HTR2C: variants seen among roughly 807,000 people sequenced by gnomAD.
The protein encoded by HTR2C is 5-hydroxytryptamine receptor 2C.
HTR2C carries 5 observed loss-of-function variants against 21.0 expected under a neutral mutation model. The ratio of observed to expected loss-of-function variants is 0.24; its 90% CI spans 0.12 to 0.50. The LOEUF (loss-of-function observed/expected upper bound fraction) is 0.50. Among genes scored for constraint, HTR2C ranks in the 20% least tolerant of loss-of-function variants. HTR2C has a pLI of 0.98. For synonymous variants in HTR2C, 150 were observed against 145.3 expected, an observed-to-expected ratio of 1.03 and a Z score of -0.23; for missense variants, 271 against 371.2, an observed-to-expected ratio of 0.73 and a Z score of 2.22.
chrX:114,734,573 A>AAAAAAAAAAAAAAAAAAAAAAAC (rs2069571164), intron 4 of HTR2C, among the ~76,000 whole-genome samples: 1 of 95,717 alleles, frequency 1.0e-5, no homozygotes. Context: ...GTAAAAAAAA[A>AAAAAAAAAAAAAAAAAAAAAAAC]AAAAAAAAAA....
intron 4 of HTR2C, among the ~76,000 whole-genome samples, chrX:114,780,024 T>C (rs1403167545): frequency 4.5e-5 from 5 of 110,967 alleles, no homozygotes; most frequent in African/African-American, 1.6e-4. Context: ...AACAAAACAA[T>C]GATAAAAAAT....
intron 1 of HTR2C, among the ~76,000 whole-genome samples, chrX:114,594,476 G>A (rs1927754540): frequency 9.0e-6 from 1 of 111,315 alleles, no homozygotes; most frequent in African/African-American, 3.3e-5. Flanking sequence ...GGATCAAAAT[G>A]CTTTGGCAAA....
intron 4 of HTR2C, chrX:114,775,236 C>A: frequency 1.9e-6 from 1 of 521,655 alleles, no homozygotes; most frequent in Non-Finnish European, 3.5e-6. Flanking sequence ...GTCTTCCTTG[C>A]TCAAACGGTG....
chrX:114,879,146 A>G (rs1323888827), intron 5 of HTR2C, among the ~76,000 whole-genome samples: 1 of 108,615 alleles, frequency 9.2e-6, no homozygotes, highest in Non-Finnish European at 1.9e-5. Context: ...TTTTTGCTTC[A>G]TGTATTTTGG....
At chrX:114,751,246 A>T (rs1569490955) in intron 4 of HTR2C, among the ~76,000 whole-genome samples, 1 of 109,844 alleles carries the variant, frequency 9.1e-6, no homozygotes, top group African/African-American at 3.3e-5. Flanking sequence ...CACCTACAGT[A>T]TACCAAGCAC....
intron 1 of HTR2C, among the ~76,000 whole-genome samples, chrX:114,611,579 T>TG (rs1928733736): frequency 1.8e-5 from 2 of 112,826 alleles, no homozygotes; most frequent in South Asian, 7.2e-4. Flanking sequence ...CATGTGTTCT[T>TG]GCATAGTCAT....
chrX:114,686,703 A>C (rs868924537), intron 2 of HTR2C, among the ~76,000 whole-genome samples: 3 of 110,837 alleles, frequency 2.7e-5, no homozygotes, highest in Non-Finnish European at 5.7e-5. Context: ...AAATTTTTTT[A>C]AATAACATTT....
At chrX:114,692,502 T>C (rs1275428140) in intron 2 of HTR2C, among the ~76,000 whole-genome samples, 1 of 111,717 alleles carries the variant, frequency 9.0e-6, no homozygotes, top group East Asian at 2.8e-4. Flanking sequence ...TTTTTATGTA[T>C]ACATTTATTA....
intron 5 of HTR2C, among the ~76,000 whole-genome samples, chrX:114,849,201 C>T (rs2070896784): frequency 8.9e-6 from 1 of 112,125 alleles, no homozygotes; most frequent in South Asian, 3.7e-4. Flanking sequence ...GTTTGACTTA[C>T]AAATTCAAGA....
chrX:114,762,008 A>AG (rs2069882506), intron 4 of HTR2C, among the ~76,000 whole-genome samples: 1 of 6,992 alleles, frequency 1.4e-4, no homozygotes, highest in African/African-American at 3.3e-4. Flanking sequence ...ACACATATAT[A>AG]TAGTATATAT....
intron 4 of HTR2C, among the ~76,000 whole-genome samples, chrX:114,836,566 G>A (rs1354739136): frequency 5.4e-5 from 6 of 111,806 alleles, no homozygotes; most frequent in South Asian, 3.7e-4. Context: ...GCTTCGGCTC[G>A]TGCACGGTGC....
chrX:114,659,028 A>G (rs1399855718), intron 2 of HTR2C, among the ~76,000 whole-genome samples: 2 of 111,603 alleles, frequency 1.8e-5, no homozygotes. Context: ...GGGAGGCCTC[A>G]GGAAACTTAC....
At chrX:114,703,884 C>G in intron 2 of HTR2C, among the ~76,000 whole-genome samples, 1 of 110,172 alleles carries the variant, frequency 9.1e-6, no homozygotes. Context: ...GATATCACCA[C>G]TGATCCCACA....
At chrX:114,668,872 G>A (rs974740067) in intron 2 of HTR2C, among the ~76,000 whole-genome samples, 3 of 110,750 alleles carry the variant, frequency 2.7e-5, no homozygotes, top group Non-Finnish European at 5.7e-5. Flanking sequence ...CAACTAAAAT[G>A]TGTGCGTATG....
intron 2 of HTR2C, among the ~76,000 whole-genome samples, chrX:114,664,706 A>G: frequency 9.0e-6 from 1 of 111,717 alleles, no homozygotes; most frequent in Non-Finnish European, 1.9e-5. Context: ...TTTATAATAG[A>G]ACAATCTGTA....
At chrX:114,776,151 T>C in intron 4 of HTR2C, 2 of 535,529 alleles carry the variant, frequency 3.7e-6, no homozygotes, top group East Asian at 6.6e-5. Flanking sequence ...ATAATGAGGA[T>C]TGACACATCA....
At chrX:114,614,265 T>C (rs1340653216) in intron 2 of HTR2C, among the ~76,000 whole-genome samples, 1 of 110,366 alleles carries the variant, frequency 9.1e-6, no homozygotes, top group Admixed American at 9.7e-5. Context: ...TTTTTTGTTT[T>C]GTTTTGTTTT....
chrX:114,706,457 G>GA (rs782750850), intron 2 of HTR2C, among the ~76,000 whole-genome samples: 1 of 99,326 alleles, frequency 1.0e-5, no homozygotes, highest in Non-Finnish European at 2.0e-5. Flanking sequence ...CTATTGCAAG[G>GA]AAAAAAAACC....
At chrX:114,702,027 A>G (rs1238845882) in intron 2 of HTR2C, among the ~76,000 whole-genome samples, 9 of 109,247 alleles carry the variant, frequency 8.2e-5, no homozygotes, top group Middle Eastern at 4.6e-3. Flanking sequence ...ATAAAGAGAA[A>G]CGAACAAAGC....
Sources: gnomAD v4.1 joint callset for allele counts (sites outside exome capture counted in the v4.1 genomes callset) on GRCh38, gnomAD v4.1.1 for gene constraint, MANE v1.5 for transcripts, NCBI Gene and HGNC (gene_info 2026-07-23, HGNC 2026-07-21) for gene names.